SLC16A6: variants seen among roughly 807,000 people sequenced by gnomAD.
SLC16A6 encodes the protein solute carrier family 16 member 6.
In SLC16A6, 15 loss-of-function variants were observed where a neutral mutation model predicts 33.8. That is an observed-to-expected ratio of 0.44 (90% CI 0.30 to 0.68). The LOEUF is 0.68. Among genes scored for constraint, SLC16A6 ranks in the 30% least tolerant of loss-of-function variants. SLC16A6 has a pLI of 0.10. For missense variants in SLC16A6, 451 were observed against 661.5 expected, an observed-to-expected ratio of 0.68 and a Z score of 3.49; for synonymous variants, 219 against 248.4, an observed-to-expected ratio of 0.88 and a Z score of 1.11.
chr17:68,278,389 A>G, intron 1 of SLC16A6, 62 bp from the exon 2 acceptor site: 1 of 1,023,608 alleles, frequency 9.8e-7, no homozygotes, highest in Non-Finnish European at 1.5e-6. Flanking sequence ...TGATTCTCAT[A>G]CTCTTAAGCA....
chr17:68,275,975 T>C (rs1391173449), intron 2 of SLC16A6, among the ~76,000 whole-genome samples: 1 of 147,042 alleles, frequency 6.8e-6, no homozygotes, highest in African/African-American at 2.5e-5. Flanking sequence ...AAAGCGAGAC[T>C]CCGTCTCAAA....
In SLC16A6 at chr17:68,268,603, T is replaced by C. The variant is rs1473519887; in HGVS notation, c.*493A>G. 6.6e-6 allele frequency: 1 copy of C among 152,520 alleles called. No individual in the cohort carries two copies. Among genetic ancestry groups the C allele is most frequent in the Admixed American group, 6.5e-5 (1 of 15,284 alleles). 9.4% of individuals were successfully genotyped at this position (152,520 alleles called of 1,614,324 possible). ...TGAAAATTAGGAATTTTAAAAATGA[T>C]TGAAGTCTTTTTTTTTTTGACTGGC... On this transcript the variant is annotated 3_prime_UTR_variant, in exon 6 of 6. Transcript: ENST00000580666.
chr17:68,282,132 A>C (rs999226864), intron 1 of SLC16A6, among the ~76,000 whole-genome samples: 5 of 152,230 alleles, frequency 3.3e-5, no homozygotes, highest in Non-Finnish European at 7.3e-5. Flanking sequence ...CTGGATTAAG[A>C]AAATGTGGCA....
At chr17:68,273,480 C>T (rs898068544) in intron 3 of SLC16A6, among the ~76,000 whole-genome samples, 2 of 152,210 alleles carry the variant, frequency 1.3e-5, no homozygotes, top group South Asian at 2.1e-4. Flanking sequence ...CTCAGCCTCC[C>T]GAAGTGCTGG....
At chr17:68,278,780 C>T (rs1476137171) in intron 1 of SLC16A6, among the ~76,000 whole-genome samples, 9 of 151,698 alleles carry the variant, frequency 5.9e-5, no homozygotes, top group Admixed American at 2.6e-4. Context: ...CCATCACACC[C>T]GGCTAATTTT....
intron 2 of SLC16A6, among the ~76,000 whole-genome samples, chr17:68,275,191 A>G (rs2075473891): frequency 6.6e-6 from 1 of 152,216 alleles, no homozygotes; most frequent in African/African-American, 2.4e-5. Flanking sequence ...CTTAGCTTCT[A>G]TAAGCTGTAT....
intron 4 of SLC16A6, 108 bp downstream of exon 4, chr17:68,272,531 C>T: frequency 7.8e-7 from 1 of 1,285,020 alleles, no homozygotes; most frequent in Non-Finnish European, 1.1e-6. Flanking sequence ...CGTCTCATTA[C>T]ACATACACTG....
chr17:68,278,781 G>A (rs185838566), intron 1 of SLC16A6, among the ~76,000 whole-genome samples: 15 of 151,876 alleles, frequency 9.9e-5, no homozygotes, highest in Non-Finnish European at 1.6e-4. Flanking sequence ...CATCACACCC[G>A]GCTAATTTTT....
intron 1 of SLC16A6, among the ~76,000 whole-genome samples, chr17:68,287,189 A>G (rs546652508): frequency 3.3e-5 from 5 of 152,272 alleles, no homozygotes; most frequent in African/African-American, 1.2e-4. Context: ...CATGTTGGTC[A>G]GGCTGGTCTT....
intron 1 of SLC16A6, among the ~76,000 whole-genome samples, chr17:68,281,872 CA>C (rs2075706600): frequency 1.3e-5 from 2 of 152,228 alleles, no homozygotes; most frequent in South Asian, 4.1e-4. Context: ...CAAAAAACTA[CA>C]AATATAGGAA....
chr17:68,267,473 G>C lies in SLC16A6; in HGVS notation c.*1623C>G, dbSNP rs2075193785. The C allele has an allele frequency of 6.6e-6, 1 of 152,176 alleles. No homozygotes were observed. The highest frequency in any genetic ancestry group is 1.5e-5 in the Non-Finnish European group (1 of 68,042). The allele number at this position is 152,176 out of a possible 1,614,324, so 9.4% of individuals were successfully genotyped here. A position where few individuals can be genotyped will look rare whatever the true frequency, so the allele number is the denominator to read the frequency against. On this transcript the variant is annotated 3_prime_UTR_variant, in exon 6 of 6. Transcript: ENST00000580666. ...ATAAGATGCTCTACAAAATGTAGCA[G>C]GTGGTGATGAACTATGCCACTTTCA...
intron 2 of SLC16A6, among the ~76,000 whole-genome samples, chr17:68,274,880 A>G (rs535574670): frequency 6.6e-6 from 1 of 151,778 alleles, no homozygotes; most frequent in Admixed American, 6.6e-5. Context: ...TCCTGGGTTC[A>G]ACTGATTCTC....
chr17:68,272,586 C>T, intron 4 of SLC16A6, 53 bp downstream of exon 4: 1 of 1,594,224 alleles, frequency 6.3e-7, no homozygotes, highest in South Asian at 1.1e-5. Context: ...GCAAGAATAC[C>T]TGAGTGACGT....
rs782115690 is a variant in SLC16A6, at chr17:68,274,063, G to A, written c.240C>T (p.Leu80=). 3.7e-6 allele frequency: 6 copies of A among 1,612,152 alleles called. No homozygotes were observed. The highest frequency in any genetic ancestry group is 1.3e-5 in the African/African-American group (1 of 74,872). The change falls in exon 3 of 6, where the codon CTC becomes CTT. Residue 80 remains leucine (L), a synonymous_variant. Transcript: ENST00000580666. The part of the protein sequence containing the change: ...CVFVLTFSAP[L]ATVLSNRFGH... ...CGAAACGATTGCTCAGGACTGTGGCGAGGGGAGCTGCCGGGAAAGAACAAA... is the reference window on the plus strand; with the variant it reads ...CGAAACGATTGCTCAGGACTGTGGCAAGGGGAGCTGCCGGGAAAGAACAAA...
intron 3 of SLC16A6, among the ~76,000 whole-genome samples, chr17:68,273,179 GA>G (rs782056527): frequency 2.0e-5 from 3 of 151,780 alleles, no homozygotes; most frequent in Non-Finnish European, 4.4e-5. Context: ...CATCTATGAG[GA>G]ATATATGGCC....
rs2075216962 is a variant in SLC16A6 at position 68,268,285 on chromosome 17, C to T, written c.*811G>A. On this transcript the variant is annotated 3_prime_UTR_variant, in exon 6 of 6. Coordinates refer to ENST00000580666, the MANE Select transcript of SLC16A6 (RefSeq NM_004694.5). ...TAAATAGCGGTTTAAATTAAAGACA[C>T]TACAGTCACATATTTCTGTATAACT... 1 of 152,510 alleles carries T rather than the reference C, an allele frequency of 6.6e-6. No individual in the cohort carries two copies. Among genetic ancestry groups the T allele is most frequent in the African/African-American group, 2.4e-5 (1 of 41,386 alleles). 9.4% of individuals were successfully genotyped at this position (152,510 alleles called of 1,614,324 possible). A position where few individuals can be genotyped will look rare whatever the true frequency, so the allele number is the denominator to read the frequency against.
At chr17:68,279,593 G>A (rs1471310767) in intron 1 of SLC16A6, among the ~76,000 whole-genome samples, 2 of 152,174 alleles carry the variant, frequency 1.3e-5, no homozygotes, top group Non-Finnish European at 2.9e-5. Context: ...CTGGACACCA[G>A]TTAACTGAGT....
intron 2 of SLC16A6, among the ~76,000 whole-genome samples, chr17:68,277,626 C>T (rs112156702): frequency 2.1e-3 from 325 of 152,202 alleles, no homozygotes; most frequent in African/African-American, 6.3e-3. Flanking sequence ...GATGGGGTTT[C>T]GCCATGTTGG....
At chr17:68,290,493 T>C (rs2145218607) in intron 1 of SLC16A6, among the ~76,000 whole-genome samples, 1 of 152,336 alleles carries the variant, frequency 6.6e-6, no homozygotes, top group East Asian at 1.9e-4. Flanking sequence ...CTGACAGTTC[T>C]GACAGTCCAG....
Sources: allele counts gnomAD v4.1 joint callset (sites outside exome capture counted in the v4.1 genomes callset), GRCh38; gene constraint gnomAD v4.1.1; transcripts MANE v1.5; gene names NCBI Gene and HGNC (gene_info 2026-07-23, HGNC 2026-07-21).